The following TRIM43B variants were observed in gnomAD, a reference collection of about 807,000 sequenced individuals.
TRIM43B encodes tripartite motif containing 43B, also known as tripartite motif-containing protein 43B.
A neutral mutation model predicts 27.0 loss-of-function variants in TRIM43B; 15 were observed. The observed-to-expected ratio is 0.55, with a 90% confidence interval of 0.37 to 0.85. The LOEUF (loss-of-function observed/expected upper bound fraction) is 0.85. Ranked by LOEUF, TRIM43B falls within the 40% of genes least tolerant of loss-of-function variation. The probability of loss-of-function intolerance (pLI) is 0.00; values close to 1 mark genes in which losing one functional copy is unlikely to be tolerated. For missense variants in TRIM43B, 172 were observed against 289.8 expected (o/e 0.59, Z 2.95); for synonymous variants, 69 against 97.8 (o/e 0.71, Z 1.74).
chr2:95,483,979 C>G (rs1444929192), intron 1 of TRIM43B, among the ~76,000 whole-genome samples: 1 of 150,376 alleles, frequency 6.6e-6, no homozygotes, highest in African/African-American at 2.4e-5. Flanking sequence ...GAGGCCAAGT[C>G]AGGCAGGTAT....
At chr2:95,482,829 A>T in intron 1 of TRIM43B, 111 bp from the exon 2 acceptor site, 2 of 1,522,728 alleles carry the variant, frequency 1.3e-6, no homozygotes. Flanking sequence ...CTAAAGAAGT[A>T]TAGGTTTTAA....
chr2:95,483,757 G>A (rs1020403720), intron 1 of TRIM43B, among the ~76,000 whole-genome samples: 6 of 152,056 alleles, frequency 3.9e-5, no homozygotes, highest in African/African-American at 1.4e-4. Flanking sequence ...GAACCCGGGA[G>A]GCGGAGCTTG....
At chr2:95,482,594 G>A in exon 2 of TRIM43B, 3 of 1,613,392 alleles carry the variant, frequency 1.9e-6, no homozygotes, top group Non-Finnish European at 2.5e-6. Flanking sequence ...TCCCACGAAA[G>A]GCAGAGACAG....
chr2:95,481,784 C>T (rs1683531475), intron 2 of TRIM43B, 94 bp from the exon 3 acceptor site: 3 of 1,340,232 alleles, frequency 2.2e-6, no homozygotes, highest in Non-Finnish European at 3.0e-6. Context: ...TATATAAATA[C>T]ATTAGTGAGA....
At position 95,482,297 on chromosome 2, in the gene TRIM43B, C is replaced by A. The variant is rs553066144; in HGVS notation, c.411+7G>T. On this transcript the variant is annotated splice_region_variant and intron_variant, in intron 2 of 6. Coordinates refer to ENST00000639673, the Ensembl canonical transcript of TRIM43B. ...AGCTTTCAGGTGATCACAGAGCTAT[C>A]TCTTACCCGGTCTTCCTCAGCTGCC... 237 of 1,611,490 alleles carry A rather than the reference C, an allele frequency of 1.5e-4. 1 individual carries two copies. In the African/African-American group the frequency reaches 2.2e-3, roughly 15 times the overall value.
chr2:95,482,699 A>G (rs376058095), exon 2 of TRIM43B: 4 of 1,613,600 alleles, frequency 2.5e-6, no homozygotes, highest in Non-Finnish European at 3.4e-6. Context: ...AAGGCATGTG[A>G]GAAGTCTGAG....
At chr2:95,481,750 G>T (rs1314880656) in intron 2 of TRIM43B, 60 bp from the exon 3 acceptor site, 5 of 1,547,826 alleles carry the variant, frequency 3.2e-6, no homozygotes, top group South Asian at 1.2e-5. Flanking sequence ...CCATCTGAGT[G>T]GTATAAGCAG....
At chr2:95,483,185 C>G (rs1442241039) in intron 1 of TRIM43B, among the ~76,000 whole-genome samples, 2 of 152,050 alleles carry the variant, frequency 1.3e-5, no homozygotes, top group Admixed American at 6.6e-5. Flanking sequence ...TCCAGAAGGA[C>G]ATTGCTTGAA....
rs911525586 is a variant in TRIM43B, at chr2:95,481,611, G to C, written c.491C>G (p.Thr164Arg). 6.2e-6 allele frequency: 10 copies of C among 1,612,206 alleles called. 1 individual carries two copies. Among genetic ancestry groups the C allele is most frequent in the Non-Finnish European group, 8.5e-6 (10 of 1,179,082 alleles). Residue 164 changes from threonine (T) to arginine (R), a missense_variant, in exon 3 of 7, where the codon ACA (threonine) becomes AGA (arginine). Coordinates refer to ENST00000639673, the Ensembl canonical transcript of TRIM43B. ...CATACTTACCCTCAAGAGGAAGGCT[G>C]TTCTTCTCTCCTCATATAGATTTCT...
intron 3 of TRIM43B, 81 bp downstream of exon 3, chr2:95,481,514 T>G (rs1254543464): frequency 9.3e-7 from 1 of 1,080,594 alleles, no homozygotes; most frequent in Non-Finnish European, 1.3e-6. Context: ...CATATGAGAA[T>G]TTCAACTCAA....
At chr2:95,484,627 T>C (rs943537973) in exon 1 of TRIM43B, 1 of 152,160 alleles carries the variant, frequency 6.6e-6, no homozygotes, top group Non-Finnish European at 1.5e-5. Context: ...ATCTATGTTC[T>C]CACCAAAGCT....
intron 2 of TRIM43B, among the ~76,000 whole-genome samples, 197 bp from the exon 3 acceptor site, chr2:95,481,887 G>A (rs1368493496): frequency 6.6e-6 from 1 of 152,012 alleles, no homozygotes; most frequent in Admixed American, 6.6e-5. Flanking sequence ...GAACTGAAGA[G>A]TGAAGATTTC....
chr2:95,483,003 T>G (rs1369876955), intron 1 of TRIM43B, among the ~76,000 whole-genome samples: 1 of 152,082 alleles, frequency 6.6e-6, no homozygotes, highest in Non-Finnish European at 1.5e-5. Context: ...TCCACCAAAT[T>G]GCTTGGGCTT....
intron 2 of TRIM43B, 54 bp downstream of exon 2, chr2:95,482,250 C>T (rs556961823): frequency 1.3e-6 from 2 of 1,527,164 alleles, no homozygotes; most frequent in African/African-American, 1.4e-5. Context: ...TCCTTCTAAT[C>T]TCTTTAACTC....
At chr2:95,483,750 C>T (rs1012157293) in intron 1 of TRIM43B, among the ~76,000 whole-genome samples, 3 of 151,952 alleles carry the variant, frequency 2.0e-5, no homozygotes, top group African/African-American at 4.8e-5. Context: ...ATGGCGTGAA[C>T]CCGGGAGGCG....
At chr2:95,482,364 G>C (rs1427958437) in exon 2 of TRIM43B, 1 of 1,610,316 alleles carries the variant, frequency 6.2e-7, no homozygotes, top group South Asian at 1.1e-5. Flanking sequence ...GCTCCTGAGA[G>C]TTGGAGCACA....
At chr2:95,480,337 T>C (rs577958837) in exon 4 of TRIM43B, 1 of 1,609,672 alleles carries the variant, frequency 6.2e-7, no homozygotes, top group African/African-American at 1.3e-5. Context: ...TTATGACACA[T>C]TTCCATTAGT....
intron 2 of TRIM43B, among the ~76,000 whole-genome samples, chr2:95,481,993 G>C (rs1683535800): frequency 1.3e-5 from 2 of 151,438 alleles, no homozygotes; most frequent in African/African-American, 4.9e-5. Context: ...ATACTCATTT[G>C]TCCAGTAATA....
At chr2:95,483,376 G>A (rs1250431473) in intron 1 of TRIM43B, among the ~76,000 whole-genome samples, 9 of 152,026 alleles carry the variant, frequency 5.9e-5, no homozygotes, top group African/African-American at 1.4e-4. Context: ...CCTGTTCCTG[G>A]ACAGTCTGTT....
Sources: allele counts gnomAD v4.1 joint callset (sites outside exome capture counted in the v4.1 genomes callset), GRCh38; gene constraint gnomAD v4.1.1; transcripts MANE v1.5; gene names NCBI Gene and HGNC (gene_info 2026-07-23, HGNC 2026-07-21).